The following SHISAL1 variants were observed in gnomAD, a reference collection of about 807,000 sequenced individuals.
SHISAL1 encodes the protein protein shisa-like-1.
Under a neutral mutation model 22.6 loss-of-function variants are expected in SHISAL1, and 9 were observed. The observed-to-expected ratio is 0.40, with a 90% CI of 0.24 to 0.70. The LOEUF (loss-of-function observed/expected upper bound fraction) is 0.70, where lower values mean the gene tolerates loss of function less well. Ranked by LOEUF, SHISAL1 falls within the 30% of genes least tolerant of loss-of-function variation. The pLI, the probability that SHISAL1 is intolerant of heterozygous loss-of-function variation, is 0.39. For synonymous variants in SHISAL1, 119 were observed against 115.4 expected, an observed-to-expected ratio of 1.03 and a Z score of -0.20; for missense variants, 246 against 270.6, an observed-to-expected ratio of 0.91 and a Z score of 0.64.
chr22:44,298,900 C>T (rs1325699706), intron 2 of SHISAL1, among the ~76,000 whole-genome samples: 1 of 152,082 alleles, frequency 6.6e-6, no homozygotes, highest in Non-Finnish European at 1.5e-5. Context: ...ATGAAGCCTC[C>T]CCGGCTGCCT....
chr22:44,276,252 G>C (rs2055238842), intron 4 of SHISAL1, among the ~76,000 whole-genome samples: 1 of 152,144 alleles, frequency 6.6e-6, no homozygotes, highest in South Asian at 2.1e-4. Flanking sequence ...GCCCTGCTGG[G>C]ATCCAGGAGG....
intron 4 of SHISAL1, among the ~76,000 whole-genome samples, chr22:44,260,894 G>T (rs746421801): frequency 6.6e-6 from 1 of 151,984 alleles, no homozygotes; most frequent in Non-Finnish European, 1.5e-5. Context: ...TTTCCCTGGA[G>T]GGCAATGTGG....
chr22:44,273,019 C>T (rs1037745907), intron 4 of SHISAL1, among the ~76,000 whole-genome samples: 11 of 152,014 alleles, frequency 7.2e-5, no homozygotes, highest in African/African-American at 2.7e-4. Flanking sequence ...TCGCTTGAAC[C>T]CCAGAGGCGG....
chr22:44,269,857 G>A (rs2055194627), intron 4 of SHISAL1, among the ~76,000 whole-genome samples: 1 of 152,100 alleles, frequency 6.6e-6, no homozygotes, highest in Non-Finnish European at 1.5e-5. Context: ...TGGTGGTAAC[G>A]ATGCACCACC....
chr22:44,250,281 T>C (rs1396602509), intron 4 of SHISAL1, among the ~76,000 whole-genome samples: 1 of 152,226 alleles, frequency 6.6e-6, no homozygotes. Flanking sequence ...ATACCATTCA[T>C]ATTGACAAAA....
At chr22:44,326,717 A>G in the SHISAL1 span, among the ~76,000 whole-genome samples, 1 of 151,788 alleles carries the variant, frequency 6.6e-6, no homozygotes, top group Non-Finnish European at 1.5e-5. Flanking sequence ...GGGGAAGGAG[A>G]GCAGGCTGGG....
Position 44,269,460 on chromosome 22 carries a change from C to T in SHISAL1, c.599+15968G>A, listed in dbSNP as rs548358130. 1.2e-4 allele frequency among the ~76,000 whole-genome samples: 13 copies of T among 112,074 alleles called. No homozygotes were observed. In the South Asian group the frequency reaches 1.2e-3, roughly 10 times the overall value. 73.5% of individuals were successfully genotyped at this position (112,074 alleles called of 152,430 possible). The stretch of plus-strand genomic sequence containing the variant: ...ACACACACACACCATGCCACACAGA[C>T]GCCCACAACACGCGCACACACACAC... On this transcript the variant is annotated intron_variant, in intron 4 of 4. Transcript: ENST00000381176.
At chr22:44,313,369 C>T (rs963110370), upstream of SHISAL1, among the ~76,000 whole-genome samples, 3 of 152,198 alleles carry the variant, frequency 2.0e-5, no homozygotes, top group South Asian at 2.1e-4. Context: ...GTAAAACAAA[C>T]GGTCCCCACA....
chr22:44,278,559 A>G (rs1569215506), intron 4 of SHISAL1, among the ~76,000 whole-genome samples: 3 of 152,256 alleles, frequency 2.0e-5, no homozygotes, highest in Non-Finnish European at 1.5e-5. Context: ...GAATAGCAAC[A>G]TGACCGCAGC....
At chr22:44,262,920 G>A (rs945837276) in intron 4 of SHISAL1, among the ~76,000 whole-genome samples, 15 of 152,144 alleles carry the variant, frequency 9.9e-5, no homozygotes, top group African/African-American at 3.1e-4. Flanking sequence ...TCCCGCAGAC[G>A]AAAGCAGAGG....
At chr22:44,276,826 C>T (rs1237286955) in intron 4 of SHISAL1, among the ~76,000 whole-genome samples, 1 of 147,230 alleles carries the variant, frequency 6.8e-6, no homozygotes, top group African/African-American at 2.7e-5. Context: ...GTGGGGTCCC[C>T]AGGGGTGGGT....
chr22:44,300,814 G>A (rs1326471176), intron 2 of SHISAL1, 65 bp downstream of exon 2: 9 of 1,406,942 alleles, frequency 6.4e-6, no homozygotes, highest in South Asian at 1.2e-5. Flanking sequence ...GGGCCAGCAC[G>A]AATCTCAGGA....
chr22:44,317,160 A>C (rs542327538), upstream of SHISAL1, among the ~76,000 whole-genome samples: 118 of 152,228 alleles, frequency 7.8e-4, 1 homozygote, highest in Middle Eastern at 3.4e-3. Context: ...TCTGGGGGTT[A>C]ATGAGCCTCC....
At chr22:44,260,702 G>A (rs1358624331) in intron 4 of SHISAL1, among the ~76,000 whole-genome samples, 2 of 152,196 alleles carry the variant, frequency 1.3e-5, no homozygotes, top group East Asian at 1.9e-4. Flanking sequence ...TTCTTGGCCC[G>A]TGGTGGCCCT....
chr22:44,249,454 G>T lies in SHISAL1; in HGVS notation c.*231C>A. ...AGCCCAAAATAGGACTATTGCTTGC[G>T]GACAGGTGGCTCAGAATCCCCTCCC... On this transcript the variant is annotated 3_prime_UTR_variant, in exon 5 of 5. Coordinates refer to ENST00000381176, the MANE Select transcript of SHISAL1 (RefSeq NM_001099294.2). 2.0e-6 allele frequency: 1 copy of T among 492,612 alleles called. No homozygotes were observed. Among genetic ancestry groups the T allele is most frequent in the Non-Finnish European group, 3.7e-6 (1 of 272,144 alleles). 30.5% of individuals were successfully genotyped at this position (492,612 alleles called of 1,614,324 possible).
chr22:44,300,148 G>A (rs1045954720), intron 2 of SHISAL1, among the ~76,000 whole-genome samples: 1 of 151,292 alleles, frequency 6.6e-6, no homozygotes, highest in Non-Finnish European at 1.5e-5. Context: ...GACAGAAACA[G>A]AGAGAGACAG....
At chr22:44,292,259 G>A (rs1382854613) in intron 3 of SHISAL1, among the ~76,000 whole-genome samples, 1 of 152,204 alleles carries the variant, frequency 6.6e-6, no homozygotes, top group Non-Finnish European at 1.5e-5. Flanking sequence ...CCCCTTCCGG[G>A]AGTCACATTG....
intron 3 of SHISAL1, among the ~76,000 whole-genome samples, chr22:44,292,952 T>G (rs116856214): frequency 0.022 from 3,282 of 152,314 alleles, 244 homozygotes; most frequent in East Asian, 0.19. Flanking sequence ...CTATGCAGCC[T>G]CAAGCCATTT....
chr22:44,275,082 G>A (rs1314961889), intron 4 of SHISAL1, among the ~76,000 whole-genome samples: 1 of 152,222 alleles, frequency 6.6e-6, no homozygotes, highest in Non-Finnish European at 1.5e-5. Flanking sequence ...GTACAGCTAG[G>A]TTTTCAACGT....
Sources: allele counts gnomAD v4.1 joint callset (sites outside exome capture counted in the v4.1 genomes callset), GRCh38; gene constraint gnomAD v4.1.1; transcripts MANE v1.5; gene names NCBI Gene and HGNC (gene_info 2026-07-23, HGNC 2026-07-21).